The following ZNF529 variants were observed in gnomAD, a reference collection of about 807,000 sequenced individuals.
ZNF529 encodes the protein zinc finger protein 529.
ZNF529 carries 11 observed loss-of-function variants against 10.1 expected under a neutral mutation model. The observed-to-expected ratio is 1.09, with a 90% CI of 0.69 to 1.81. The LOEUF (loss-of-function observed/expected upper bound fraction) is 1.81, where lower values mean the gene tolerates loss of function less well. Among genes scored for constraint, ZNF529 ranks in the 40% most tolerant of loss-of-function variants. The pLI is 0.00. For synonymous variants in ZNF529, 204 were observed against 215.7 expected (o/e 0.95, Z 0.47); for missense variants, 624 against 666.8 (o/e 0.94, Z 0.71).
At chr19:36,562,192 C>T (rs879658184) in intron 2 of ZNF529, among the ~76,000 whole-genome samples, 7 of 151,306 alleles carry the variant, frequency 4.6e-5, no homozygotes, top group Non-Finnish European at 7.4e-5. Flanking sequence ...GAGCCGAGAT[C>T]GCACCATTGC....
intron 2 of ZNF529, among the ~76,000 whole-genome samples, chr19:36,564,114 G>C (rs987235218): frequency 1.3e-4 from 20 of 152,154 alleles, no homozygotes; most frequent in African/African-American, 4.8e-4. Context: ...ATTAACTCAA[G>C]TTTGATGAAA....
At chr19:36,594,764 C>G (rs1346939398) in intron 1 of ZNF529, 2 of 152,184 alleles carry the variant, frequency 1.3e-5, no homozygotes, top group Non-Finnish European at 1.5e-5. Flanking sequence ...CTGATCACAC[C>G]ACACACACAA....
At chr19:36,551,911 A>G (rs1182186155) in intron 4 of ZNF529, 4 of 152,210 alleles carry the variant, frequency 2.6e-5, no homozygotes, top group African/African-American at 9.7e-5. Flanking sequence ...TAGTATGTCA[A>G]TTCCATGAGA....
At position 36,546,689 on chromosome 19, in the gene ZNF529, C is replaced by G; in HGVS notation, c.*177G>C. ...AAATATTTGGCAACATCTAACAAAG[C>G]TATAAGTATATATCAGCTATGACTA... On this transcript the variant is annotated 3_prime_UTR_variant, in exon 5 of 5. Transcript: ENST00000591340. 1.6e-6 allele frequency: 1 copy of G among 608,296 alleles called. No individual in the cohort carries two copies. The highest frequency in any genetic ancestry group is 3.9e-5 in the South Asian group (1 of 25,858). The allele number at this position is 608,296 out of a possible 1,614,324, so 37.7% of individuals were successfully genotyped here.
At chr19:36,550,173 C>G (rs566660197) in intron 4 of ZNF529, among the ~76,000 whole-genome samples, 1 of 152,302 alleles carries the variant, frequency 6.6e-6, no homozygotes, top group Non-Finnish European at 1.5e-5. Context: ...GCATCAATAT[C>G]TGACGACAAC....
At chr19:36,562,888 C>T (rs2035761766) in intron 2 of ZNF529, among the ~76,000 whole-genome samples, 1 of 151,902 alleles carries the variant, frequency 6.6e-6, no homozygotes, top group Non-Finnish European at 1.5e-5. Flanking sequence ...GGGGCTCCTC[C>T]CTTTGTGAAT....
Position 36,546,522 on chromosome 19 carries a change from A to G in ZNF529, c.*344T>C, listed in dbSNP as rs2035027977. 2 of 199,396 alleles carry G rather than the reference A, an allele frequency of 1.0e-5. No individual in the cohort carries two copies. The highest frequency in any genetic ancestry group is 4.7e-5 in the African/African-American group (2 of 42,650). The allele number at this position is 199,396 out of a possible 1,614,324, so 12.4% of individuals were successfully genotyped here. ...TAGATATCACAAGCAAAGAATTACAATGCAGAAAAGATATTGAAGTAATAT... is the reference window on the plus strand; with the variant it reads ...TAGATATCACAAGCAAAGAATTACAGTGCAGAAAAGATATTGAAGTAATAT... On this transcript the variant is annotated 3_prime_UTR_variant, in exon 5 of 5. Transcript: ENST00000591340.
At chr19:36,555,742 T>G (rs1281356280) in intron 3 of ZNF529, among the ~76,000 whole-genome samples, 1 of 152,234 alleles carries the variant, frequency 6.6e-6, no homozygotes, top group African/African-American at 2.4e-5. Flanking sequence ...TTTGTATGAC[T>G]TGAGGCCATT....
intron 2 of ZNF529, among the ~76,000 whole-genome samples, chr19:36,560,327 T>G (rs1225544184): frequency 6.6e-6 from 1 of 151,018 alleles, no homozygotes; most frequent in Non-Finnish European, 1.5e-5. Flanking sequence ...AGTATACATA[T>G]ATATCTCTTC....
chr19:36,578,291 C>CTTAT (rs2036381471), upstream of ZNF529, among the ~76,000 whole-genome samples: 2 of 31,818 alleles, frequency 6.3e-5, no homozygotes, highest in African/African-American at 1.2e-4. Flanking sequence ...GTCTTGATCT[C>CTTAT]TTTTTTTTTT....
chr19:36,569,129 C>T (rs1424987390), intron 2 of ZNF529, among the ~76,000 whole-genome samples: 2 of 152,122 alleles, frequency 1.3e-5, no homozygotes, highest in South Asian at 2.1e-4. Flanking sequence ...CCAGGAAAAA[C>T]GTAAGACCTT....
chr19:36,564,707 A>C (rs983303947), intron 2 of ZNF529, among the ~76,000 whole-genome samples: 2 of 152,206 alleles, frequency 1.3e-5, no homozygotes, highest in Non-Finnish European at 2.9e-5. Context: ...AAATAACTAA[A>C]AATAGAACAA....
chr19:36,591,105 T>C (rs1348892808), intron 1 of ZNF529, among the ~76,000 whole-genome samples: 1 of 148,886 alleles, frequency 6.7e-6, no homozygotes, highest in African/African-American at 2.5e-5. Flanking sequence ...ATCGAGACCA[T>C]CCTCCCAACA....
chr19:36,561,126 A>G (rs1401416009), intron 2 of ZNF529, among the ~76,000 whole-genome samples: 2 of 152,178 alleles, frequency 1.3e-5, no homozygotes, highest in Non-Finnish European at 2.9e-5. Flanking sequence ...CCTTGAAGGC[A>G]GGATGGTTTC....
In ZNF529 at chr19:36,569,824, G is replaced by A. The variant is rs73929011; in HGVS notation, c.14+2509C>T. On this transcript the variant is annotated intron_variant, in intron 2 of 4. Transcript: ENST00000591340. ...AATTGGCTCAGAGTGCTCAAACCCT[G>A]CACATTCCAAAGAAGAAATTGTCCT... Among the ~76,000 whole-genome samples, 346 of 152,182 alleles carry A rather than the reference G, an allele frequency of 2.3e-3. 1 individual carries two copies. The highest frequency in any genetic ancestry group is 7.9e-3 in the African/African-American group (326 of 41,520).
chr19:36,575,620 T>C (rs1212695403), upstream of ZNF529, among the ~76,000 whole-genome samples: 1 of 152,164 alleles, frequency 6.6e-6, no homozygotes, highest in African/African-American at 2.4e-5. Flanking sequence ...AAATATTTAC[T>C]GTAAAAATCA....
chr19:36,574,884 A>T (rs1180243512), upstream of ZNF529: 5 of 471,152 alleles, frequency 1.1e-5, no homozygotes, highest in Non-Finnish European at 2.2e-5. Flanking sequence ...TTTAGAAGAA[A>T]AGTTGCTGGG....
At chr19:36,604,179 T>TCA (rs919963338) in intron 1 of ZNF529, among the ~76,000 whole-genome samples, 5 of 152,020 alleles carry the variant, frequency 3.3e-5, no homozygotes, top group Admixed American at 1.3e-4. Flanking sequence ...AAACTCCATC[T>TCA]CACACACACA....
intron 2 of ZNF529, among the ~76,000 whole-genome samples, chr19:36,563,296 G>A (rs1318182250): frequency 2.0e-5 from 3 of 151,822 alleles, no homozygotes; most frequent in Middle Eastern, 3.2e-3. Flanking sequence ...GGTGGTGTGC[G>A]CCTCTAATCC....
Sources: allele counts gnomAD v4.1 joint callset (sites outside exome capture counted in the v4.1 genomes callset), GRCh38; gene constraint gnomAD v4.1.1; transcripts MANE v1.5; gene names NCBI Gene and HGNC (gene_info 2026-07-23, HGNC 2026-07-21).